The following STIM1 variants were observed in gnomAD, a reference collection of about 807,000 sequenced individuals.
STIM1 encodes stromal interaction molecule 1.
A neutral mutation model predicts 74.7 loss-of-function variants in STIM1; 25 were observed. The ratio of observed to expected loss-of-function variants is 0.33; its 90% CI spans 0.24 to 0.47. The LOEUF is 0.47. STIM1 is among the 20% of genes least tolerant of loss of function. The pLI is 1.00. For synonymous variants in STIM1, 328 were observed against 348.8 expected, an observed-to-expected ratio of 0.94 and a Z score of 0.66; for missense variants, 728 against 920.8, an observed-to-expected ratio of 0.79 and a Z score of 2.71.
chr11:4,082,774 C>T, intron 8 of STIM1, 108 bp from the exon 9 acceptor site: 5 of 861,952 alleles, frequency 5.8e-6, no homozygotes, highest in Non-Finnish European at 9.7e-6. Flanking sequence ...CCTTGTACAG[C>T]CTCAGTTGTG....
intron 1 of STIM1, among the ~76,000 whole-genome samples, chr11:3,884,518 A>C (rs1238723844): frequency 1.3e-5 from 2 of 152,162 alleles, no homozygotes; most frequent in African/African-American, 4.8e-5. Context: ...CTGAGAGTGA[A>C]ACCCATGCCC....
At chr11:3,989,310 C>A (rs183830191) in intron 2 of STIM1, 44 of 925,822 alleles carry the variant, frequency 4.8e-5, no homozygotes, top group Middle Eastern at 4.3e-4. Flanking sequence ...CTTTTGTTTG[C>A]ACTTGTTTGT....
chr11:3,862,962 G>C (rs549524584), intron 1 of STIM1, among the ~76,000 whole-genome samples: 1 of 151,632 alleles, frequency 6.6e-6, no homozygotes, highest in Non-Finnish European at 1.5e-5. Context: ...GCGCCATCTC[G>C]GCTCACTGCA....
At chr11:3,854,713 A>G (rs1348718604), upstream of STIM1, 2 of 152,234 alleles carry the variant, frequency 1.3e-5, no homozygotes, top group African/African-American at 4.8e-5. Flanking sequence ...GAAAAACCTT[A>G]AAGGGCTGAG....
At chr11:3,968,889 A>G (rs2093365275) in intron 2 of STIM1, among the ~76,000 whole-genome samples, 1 of 152,182 alleles carries the variant, frequency 6.6e-6, no homozygotes, top group Admixed American at 6.5e-5. Flanking sequence ...TAACTTCAAC[A>G]GATTTATGAA....
At chr11:4,005,154 C>G (rs2093764685) in intron 2 of STIM1, among the ~76,000 whole-genome samples, 1 of 152,152 alleles carries the variant, frequency 6.6e-6, no homozygotes, top group Non-Finnish European at 1.5e-5. Flanking sequence ...ACTAGTTCAA[C>G]CATTGTGGAA....
chr11:3,863,700 T>G (rs750323223), intron 1 of STIM1, among the ~76,000 whole-genome samples: 3 of 152,166 alleles, frequency 2.0e-5, no homozygotes, highest in Admixed American at 6.5e-5. Context: ...GTCCAGCGTA[T>G]TCGTGTACCA....
At chr11:3,967,513 C>A (rs774513911) in intron 1 of STIM1, 39 bp from the exon 2 acceptor site, 1 of 1,613,528 alleles carries the variant, frequency 6.2e-7, no homozygotes, top group South Asian at 1.1e-5. Context: ...TTCTGGGTGG[C>A]AGCTCTGAGT....
At chr11:4,042,161 G>T (rs745440919) in intron 3 of STIM1, among the ~76,000 whole-genome samples, 8 of 152,256 alleles carry the variant, frequency 5.3e-5, no homozygotes, top group Non-Finnish European at 1.2e-4. Flanking sequence ...CCAAGGCCAA[G>T]TGTTTGCCCT....
chr11:4,035,778 C>A (rs965563351), intron 3 of STIM1, among the ~76,000 whole-genome samples: 4 of 150,762 alleles, frequency 2.7e-5, no homozygotes, highest in African/African-American at 9.7e-5. Flanking sequence ...TTAAATATCC[C>A]ATGTGCACTT....
chr11:4,026,648 T>C (rs1469079877), intron 3 of STIM1, among the ~76,000 whole-genome samples: 3 of 152,232 alleles, frequency 2.0e-5, no homozygotes, highest in East Asian at 3.8e-4. Flanking sequence ...GATAATTAAC[T>C]AGGACTACTC....
At chr11:3,946,445 A>C (rs1325200696) in intron 1 of STIM1, among the ~76,000 whole-genome samples, 1 of 152,056 alleles carries the variant, frequency 6.6e-6, no homozygotes, top group Non-Finnish European at 1.5e-5. Context: ...GATGCTTCTG[A>C]GGTGATGTTT....
At position 3,941,673 on chromosome 11, in the gene STIM1, T is replaced by TATAG. The variant is rs141623520; in HGVS notation, c.140-25878_140-25877insTAGA. Among the ~76,000 whole-genome samples, 239 of 90,728 alleles carry TATAG rather than the reference T, an allele frequency of 2.6e-3. 2 individuals are homozygous for TATAG. The highest frequency in any genetic ancestry group is 5.9e-3 in the Middle Eastern group (1 of 170). The allele number at this position is 90,728 out of a possible 152,430, so 59.5% of individuals were successfully genotyped here. ...GTATACATATATATATATATATATA[T>TATAG]AGAGAGAGAGAGAGAGAGAGAGAGT... On this transcript the variant is annotated intron_variant, in intron 1 of 12. Coordinates refer to ENST00000526596, the MANE Select transcript of STIM1 (RefSeq NM_001382567.1).
chr11:3,919,630 A>G lies in STIM1; in HGVS notation c.140-47922A>G, dbSNP rs185370735. Among the ~76,000 whole-genome samples, 7 of 152,262 alleles carry G rather than the reference A, an allele frequency of 4.6e-5. No individual in the cohort carries two copies. In the East Asian group the frequency reaches 1.3e-3, roughly 29 times the overall value. On this transcript the variant is annotated intron_variant, in intron 1 of 12. Transcript: ENST00000526596. ...AAGTGATGAAATATATTCGTATCCT[A>G]AGCATTTGGCAGGGGCTCTATATGG...
intron 1 of STIM1, among the ~76,000 whole-genome samples, chr11:3,893,422 A>G (rs879369245): frequency 2.0e-5 from 3 of 152,214 alleles, no homozygotes; most frequent in Non-Finnish European, 4.4e-5. Flanking sequence ...TGTGAACACT[A>G]GTTTGCTCAT....
intron 2 of STIM1, among the ~76,000 whole-genome samples, chr11:4,008,355 G>A (rs915196731): frequency 6.6e-6 from 1 of 152,068 alleles, no homozygotes. Flanking sequence ...CCCATCATAT[G>A]TCATAAGTGA....
chr11:4,055,752 T>A lies in STIM1; in HGVS notation c.497+115T>A, dbSNP rs889019442. 4 of 720,394 alleles carry A rather than the reference T, an allele frequency of 5.6e-6. No individual in the cohort carries two copies. In the African/African-American group the frequency reaches 7.1e-5, roughly 13 times the overall value. 44.6% of individuals were successfully genotyped at this position (720,394 alleles called of 1,614,324 possible). A position where few individuals can be genotyped will look rare whatever the true frequency, so the allele number is the denominator to read the frequency against. On this transcript the variant is annotated intron_variant, in intron 4 of 12. Coordinates refer to ENST00000526596, the MANE Select transcript of STIM1 (RefSeq NM_001382567.1). ...AGGTTCTGCCTTTTTCAGGGCAGCGTCTATAGATCTTGCCTCTTCTCACAT... is the reference window on the plus strand; with the variant it reads ...AGGTTCTGCCTTTTTCAGGGCAGCGACTATAGATCTTGCCTCTTCTCACAT...
At chr11:3,891,633 A>G (rs1590532865) in intron 1 of STIM1, among the ~76,000 whole-genome samples, 1 of 152,150 alleles carries the variant, frequency 6.6e-6, no homozygotes, top group East Asian at 1.9e-4. Context: ...CCAGATTTTA[A>G]ATTGCCAGAA....
chr11:3,857,123 T>TTC (rs1554949907), intron 1 of STIM1, among the ~76,000 whole-genome samples: 7 of 143,310 alleles, frequency 4.9e-5, no homozygotes, highest in East Asian at 2.2e-4. Flanking sequence ...TTTTTTTTTT[T>TTC]CCCTGAGTCT....
Sources: allele counts gnomAD v4.1 joint callset (sites outside exome capture counted in the v4.1 genomes callset), GRCh38; gene constraint gnomAD v4.1.1; transcripts MANE v1.5; gene names NCBI Gene and HGNC (gene_info 2026-07-23, HGNC 2026-07-21).